Variants in KCNH7 observed in about 807,000 individuals in gnomAD.
The protein encoded by KCNH7 is voltage-gated inwardly rectifying potassium channel KCNH7.
In KCNH7, 49 loss-of-function variants were observed where a neutral mutation model predicts 120.8. The ratio of observed to expected loss-of-function variants is 0.41; its 90% CI spans 0.32 to 0.51. KCNH7 has a LOEUF of 0.51. Among genes scored for constraint, KCNH7 ranks in the 20% least tolerant of loss-of-function variants. KCNH7 has a pLI of 0.38. For synonymous variants in KCNH7, 547 were observed against 516.1 expected (o/e 1.06, Z -0.81); for missense variants, 1,097 against 1,446.6 (o/e 0.76, Z 3.92).
intron 2 of KCNH7, among the ~76,000 whole-genome samples, chr2:162,658,874 T>G (rs768124380): frequency 4.6e-5 from 7 of 152,186 alleles, no homozygotes; most frequent in Non-Finnish European, 7.3e-5. Flanking sequence ...ATTTTTTAGT[T>G]AATTCTTTTG....
At chr2:162,468,328 T>C (rs1442714108) in intron 6 of KCNH7, among the ~76,000 whole-genome samples, 1 of 148,720 alleles carries the variant, frequency 6.7e-6, no homozygotes, top group Non-Finnish European at 1.5e-5. Flanking sequence ...CTCAATACAA[T>C]CTGACCTATG....
chr2:162,397,058 G>A (rs1387500671), intron 10 of KCNH7, 113 bp from the exon 11 acceptor site: 2 of 703,036 alleles, frequency 2.8e-6, no homozygotes, highest in Non-Finnish European at 4.8e-6. Context: ...ACCAGACTTG[G>A]TGAGCAATGT....
chr2:162,765,867 C>T (rs932732291), intron 2 of KCNH7, among the ~76,000 whole-genome samples: 2 of 152,060 alleles, frequency 1.3e-5, no homozygotes, highest in African/African-American at 2.4e-5. Flanking sequence ...TCAAATGATC[C>T]TCCGGCCTCA....
intron 14 of KCNH7, among the ~76,000 whole-genome samples, chr2:162,374,073 A>C (rs1357529142): frequency 6.6e-6 from 1 of 152,194 alleles, no homozygotes. Flanking sequence ...TTCTTTCATA[A>C]CTGTAGCATC....
intron 9 of KCNH7, among the ~76,000 whole-genome samples, chr2:162,412,649 T>C (rs1046633788): frequency 6.6e-6 from 1 of 152,152 alleles, no homozygotes; most frequent in Non-Finnish European, 1.5e-5. Flanking sequence ...GCAGGATGTA[T>C]CTAGATAATC....
intron 5 of KCNH7, among the ~76,000 whole-genome samples, chr2:162,505,637 A>G (rs1690848560): frequency 6.6e-6 from 1 of 151,896 alleles, no homozygotes; most frequent in Non-Finnish European, 1.5e-5. Context: ...TCGTGTAATG[A>G]GCAATATTAC....
intron 9 of KCNH7, among the ~76,000 whole-genome samples, chr2:162,419,166 TA>T (rs1687625780): frequency 6.6e-6 from 1 of 151,136 alleles, no homozygotes; most frequent in Non-Finnish European, 1.5e-5. Context: ...AAGAAAAACT[TA>T]CCTATCCCCT....
chr2:162,541,997 GT>G (rs1266251989), intron 2 of KCNH7, among the ~76,000 whole-genome samples: 1 of 152,024 alleles, frequency 6.6e-6, no homozygotes, highest in Non-Finnish European at 1.5e-5. Context: ...ATAGCAAATT[GT>G]TTTAAGTATG....
intron 2 of KCNH7, among the ~76,000 whole-genome samples, chr2:162,779,796 C>T (rs148033505): frequency 1.5e-3 from 225 of 152,196 alleles, no homozygotes; most frequent in African/African-American, 5.1e-3. Flanking sequence ...TGCTCAACTC[C>T]GTGTCATTGT....
At chr2:162,819,748 A>G (rs1051792250) in intron 2 of KCNH7, among the ~76,000 whole-genome samples, 14 of 152,218 alleles carry the variant, frequency 9.2e-5, no homozygotes, top group African/African-American at 3.4e-4. Flanking sequence ...AAGGCAGAGT[A>G]GTGAACAAGA....
intron 6 of KCNH7, among the ~76,000 whole-genome samples, chr2:162,456,819 T>G (rs1688978232): frequency 6.6e-6 from 1 of 152,126 alleles, no homozygotes; most frequent in African/African-American, 2.4e-5. Flanking sequence ...GAGACTAGGA[T>G]TTCAAACCCC....
intron 2 of KCNH7, among the ~76,000 whole-genome samples, chr2:162,710,468 T>C (rs1686888592): frequency 6.6e-6 from 1 of 152,200 alleles, no homozygotes; most frequent in Non-Finnish European, 1.5e-5. Flanking sequence ...TGCAGCAGAA[T>C]TGCACAATGA....
chr2:162,541,118 T>C (rs1265506843), intron 2 of KCNH7, among the ~76,000 whole-genome samples: 1 of 152,108 alleles, frequency 6.6e-6, no homozygotes, highest in Non-Finnish European at 1.5e-5. Context: ...TTTCAGCATG[T>C]TGACTTTGCA....
intron 6 of KCNH7, among the ~76,000 whole-genome samples, chr2:162,461,241 C>A (rs985973541): frequency 6.6e-6 from 1 of 152,178 alleles, no homozygotes; most frequent in Non-Finnish European, 1.5e-5. Flanking sequence ...AGACACCAGG[C>A]TCTGGGATAT....
At chr2:162,426,968 A>G (rs567391734) in intron 8 of KCNH7, among the ~76,000 whole-genome samples, 1 of 152,132 alleles carries the variant, frequency 6.6e-6, no homozygotes, top group Non-Finnish European at 1.5e-5. Context: ...ATTATAATGT[A>G]CATATTCATT....
At chr2:162,568,990 C>G (rs2105894455) in intron 2 of KCNH7, among the ~76,000 whole-genome samples, 1 of 152,108 alleles carries the variant, frequency 6.6e-6, no homozygotes, top group Admixed American at 6.6e-5. Flanking sequence ...CTAAAATTCT[C>G]TTTTTTGGTT....
intron 6 of KCNH7, among the ~76,000 whole-genome samples, chr2:162,477,847 T>C (rs1689799972): frequency 6.6e-6 from 1 of 151,814 alleles, no homozygotes; most frequent in South Asian, 2.1e-4. Flanking sequence ...CATCCATCCA[T>C]CCATCCATCC....
chr2:162,371,412 T>C lies in KCNH7; in HGVS notation c.*417A>G. On this transcript the variant is annotated 3_prime_UTR_variant, in exon 16 of 16. Coordinates refer to ENST00000332142, the MANE Select transcript of KCNH7 (RefSeq NM_033272.4). ...TTTATCCCCCTGGAATTCCCATGAG[T>C]TGAGGATCATCTGAATTTGAGTTGC... The C allele has an allele frequency of 7.8e-7, 1 of 1,288,432 alleles. No individual in the cohort carries two copies. The allele number at this position is 1,288,432 out of a possible 1,614,324, so 79.8% of individuals were successfully genotyped here.
chr2:162,646,043 G>T (rs192994199), intron 2 of KCNH7, among the ~76,000 whole-genome samples: 1 of 152,166 alleles, frequency 6.6e-6, no homozygotes, highest in Non-Finnish European at 1.5e-5. Context: ...TACAATCCAT[G>T]TGGTCAAATT....
Sources: gnomAD v4.1 joint callset for allele counts (sites outside exome capture counted in the v4.1 genomes callset) on GRCh38, gnomAD v4.1.1 for gene constraint, MANE v1.5 for transcripts, NCBI Gene and HGNC (gene_info 2026-07-23, HGNC 2026-07-21) for gene names.